VASN: variants seen among roughly 807,000 people sequenced by gnomAD.
VASN encodes the protein vasorin, also known as protein slit-like 2.
Under a neutral mutation model 4.8 loss-of-function variants are expected in VASN, and 5 were observed. The ratio of observed to expected loss-of-function variants is 1.03; its 90% CI spans 0.54 to 2.17. VASN has a LOEUF of 2.17. Ranked by LOEUF, VASN falls within the 30% of genes most tolerant of loss-of-function variation. The pLI is 0.01. For synonymous variants in VASN, 499 were observed against 460.8 expected (o/e 1.08, Z -1.06); for missense variants, 927 against 948.8 (o/e 0.98, Z 0.30).
At chr16:4,376,085 C>T (rs1237713863) in intron 1 of VASN, among the ~76,000 whole-genome samples, 2 of 152,160 alleles carry the variant, frequency 1.3e-5, no homozygotes, top group Non-Finnish European at 2.9e-5. Context: ...GCCAGGGGTC[C>T]CCGCGCCTAT....
chr16:4,381,784 G>C lies in VASN; in HGVS notation c.907G>C (p.Val303Leu). 1 of 1,600,832 alleles carries C rather than the reference G, an allele frequency of 6.2e-7. No individual in the cohort carries two copies. The highest frequency in any genetic ancestry group is 8.5e-7 in the Non-Finnish European group (1 of 1,179,366). ...LAAARNPFNC[V>L]CPLSWFGPWV... is the part of the protein sequence containing the mutation. ...AGCTGCCCGCAACCCCTTCAACTGC[G>C]TGTGCCCCCTGAGCTGGTTTGGCCC... The change falls in exon 2 of 2, where the codon GTG (valine) becomes CTG (leucine). Residue 303 changes from valine (V) to leucine (L), a missense_variant. Val to Leu is a conservative substitution (Grantham distance 32). Transcript: ENST00000304735.
At chr16:4,378,863 T>G (rs2054847532) in intron 1 of VASN, among the ~76,000 whole-genome samples, 1 of 152,000 alleles carries the variant, frequency 6.6e-6, no homozygotes, top group South Asian at 2.1e-4. Flanking sequence ...TGAAGGGTGC[T>G]TGTTGTCGCT....
At chr16:4,378,190 T>G (rs1567268790) in intron 1 of VASN, among the ~76,000 whole-genome samples, 1 of 152,160 alleles carries the variant, frequency 6.6e-6, no homozygotes, top group Non-Finnish European at 1.5e-5. Flanking sequence ...GTGTCCCAGA[T>G]ACTCAGATGA....
intron 1 of VASN, among the ~76,000 whole-genome samples, chr16:4,375,679 G>A (rs910236552): frequency 1.8e-4 from 28 of 152,158 alleles, no homozygotes; most frequent in East Asian, 3.9e-4. Flanking sequence ...TAGTAGAGAC[G>A]GGGTTTCACC....
intron 1 of VASN, among the ~76,000 whole-genome samples, chr16:4,379,270 G>A (rs533788794): frequency 6.6e-6 from 1 of 152,216 alleles, no homozygotes; most frequent in South Asian, 2.1e-4. Flanking sequence ...GCTTCCTGGG[G>A]ATGGGCTGGC....
intron 1 of VASN, among the ~76,000 whole-genome samples, chr16:4,377,143 G>A (rs887717993): frequency 1.3e-5 from 2 of 152,222 alleles, no homozygotes; most frequent in Non-Finnish European, 2.9e-5. Context: ...GAGCAAGGCC[G>A]GCAGCAGCAC....
At chr16:4,377,429 C>G (rs73507281) in intron 1 of VASN, among the ~76,000 whole-genome samples, 5,209 of 152,232 alleles carry the variant, frequency 0.034, 300 homozygotes, top group African/African-American at 0.12. Context: ...CAAGCACACG[C>G]CCAGACCCCA....
chr16:4,374,100 T>C (rs2054628831), intron 1 of VASN, among the ~76,000 whole-genome samples: 1 of 149,756 alleles, frequency 6.7e-6, no homozygotes, highest in Non-Finnish European at 1.5e-5. Context: ...TGTGTGTGTG[T>C]GTGTGTCTGC....
In VASN at chr16:4,383,097, C is replaced by A. The variant is rs1205029418; in HGVS notation, c.*198C>A. ...GAGATGCTGTGGCCCAGCTGACGAGCCCTAACGTCCCCAGAACCGAGTGCC... is the reference window on the plus strand; with the variant it reads ...GAGATGCTGTGGCCCAGCTGACGAGACCTAACGTCCCCAGAACCGAGTGCC... On this transcript the variant is annotated 3_prime_UTR_variant, in exon 2 of 2. Coordinates refer to ENST00000304735, the MANE Select transcript of VASN (RefSeq NM_138440.3). 5.0e-6 allele frequency: 3 copies of A among 605,322 alleles called. No individual in the cohort carries two copies. The East Asian group carries it at 9.4e-5, about 19-fold the overall frequency. The allele number at this position is 605,322 out of a possible 1,614,324, so 37.5% of individuals were successfully genotyped here. A position where few individuals can be genotyped will look rare whatever the true frequency, so the allele number is the denominator to read the frequency against.
In VASN at chr16:4,381,749, G is replaced by A. The variant is rs751445099; in HGVS notation, c.872G>A (p.Arg291Gln). 42 of 1,603,694 alleles carry A rather than the reference G, an allele frequency of 2.6e-5. No individual in the cohort carries two copies. Among genetic ancestry groups the A allele is most frequent in the Non-Finnish European group, 3.3e-5 (39 of 1,179,370 alleles). The part of the protein sequence containing the change: ...GDLSGLFPRL[R>Q]LLAAARNPFN... ...CTCTCGGGCCTCTTCCCCCGCCTGC[G>A]GCTGCTGGCAGCTGCCCGCAACCCC... The change falls in exon 2 of 2, where the codon CGG becomes CAG. Residue 291 changes from arginine to glutamine, a missense_variant. Coordinates refer to ENST00000304735, the MANE Select transcript of VASN (RefSeq NM_138440.3).
chr16:4,380,865 C>A lies in VASN; in HGVS notation c.-9-4C>A. 6.7e-7 allele frequency: 1 copy of A among 1,500,176 alleles called. No individual in the cohort carries two copies. The highest frequency in any genetic ancestry group is 2.2e-5 in the Admixed American group (1 of 44,496). 92.9% of individuals were successfully genotyped at this position (1,500,176 alleles called of 1,614,324 possible). On this transcript the variant is annotated splice_polypyrimidine_tract_variant and splice_region_variant and intron_variant, in intron 1 of 1. Coordinates refer to ENST00000304735, the MANE Select transcript of VASN (RefSeq NM_138440.3). ...TTCTGTCTCTGCCTCCTCTCTGCTC[C>A]CAGGGACAGAAGATGTGCTCCAGGG...
rs776748488 is a variant in VASN at position 4,381,534 on chromosome 16, C to T, written c.657C>T (p.His219=). ...EGLFSRLRNL[H]DLDVSDNQLE... ...TCTTCAGCCGCTTGCGCAACCTCCACGACCTGGATGTGTCCGACAACCAGC... is the reference window on the plus strand; with the variant it reads ...TCTTCAGCCGCTTGCGCAACCTCCATGACCTGGATGTGTCCGACAACCAGC... The change falls in exon 2 of 2, where the codon CAC becomes CAT. Residue 219 remains histidine, a synonymous_variant. Coordinates refer to ENST00000304735, the MANE Select transcript of VASN (RefSeq NM_138440.3). 13 of 1,603,674 alleles carry T rather than the reference C, an allele frequency of 8.1e-6. No homozygotes were observed. In the East Asian group the frequency reaches 1.1e-4, roughly 14 times the overall value.
intron 1 of VASN, among the ~76,000 whole-genome samples, 167 bp from the exon 2 acceptor site, chr16:4,380,702 G>A (rs751760661): frequency 6.6e-6 from 1 of 152,234 alleles, no homozygotes; most frequent in African/African-American, 2.4e-5. Context: ...GGAGTGACGG[G>A]GCTGGGACAG....
chr16:4,375,249 CG>C (rs1230364705), intron 1 of VASN, among the ~76,000 whole-genome samples: 1 of 152,112 alleles, frequency 6.6e-6, no homozygotes, highest in Non-Finnish European at 1.5e-5. Context: ...CACCTGGGGC[CG>C]GGCCAGCCTC....
rs763244686 is a variant in VASN at position 4,381,559 on chromosome 16, C to A, written c.682C>A (p.Leu228Met). 2 of 1,605,282 alleles carry A rather than the reference C, an allele frequency of 1.2e-6. No homozygotes were observed. Among genetic ancestry groups the A allele is most frequent in the South Asian group, 1.1e-5 (1 of 89,798 alleles). Residue 228 changes from leucine to methionine, a missense_variant, in exon 2 of 2, where the codon CTG (leucine) becomes ATG (methionine). By Grantham distance (15) the Leu-to-Met change is conservative (BLOSUM62 2). Transcript: ENST00000304735. The part of the protein sequence containing the change: ...LHDLDVSDNQ[L>M]ERVPPVIRGL... ...CGACCTGGATGTGTCCGACAACCAG[C>A]TGGAGCGAGTGCCACCTGTGATCCG...
At position 4,382,722 on chromosome 16, in the gene VASN, G is replaced by T; in HGVS notation, c.1845G>T (p.Val615=). The T allele has an allele frequency of 1.3e-6, 2 of 1,552,012 alleles. No individual in the cohort carries two copies. Among genetic ancestry groups the T allele is most frequent in the South Asian group, 2.4e-5 (2 of 84,554 alleles). The part of the protein sequence containing the change: ...MAAAAQDKGQ[V]GPGAGPLELE... ...CAGCGGCTCAGGACAAAGGGCAGGT[G>T]GGGCCAGGGGCTGGGCCCCTGGAAC... The change falls in exon 2 of 2, where the codon GTG becomes GTT. Residue 615 remains valine (V), a synonymous_variant. Transcript: ENST00000304735.
chr16:4,382,221 GA>G lies in VASN; in HGVS notation c.1345del (p.Thr449HisfsTer16). 8 of 1,605,120 alleles carry G rather than the reference GA, an allele frequency of 5.0e-6. No individual in the cohort carries two copies. The highest frequency in any genetic ancestry group is 5.9e-6 in the Non-Finnish European group (7 of 1,177,602). On this transcript the variant is annotated frameshift_variant, in exon 2 of 2. Coordinates refer to ENST00000304735, the MANE Select transcript of VASN (RefSeq NM_138440.3). LOFTEE classifies it high-confidence loss of function. ...LYCESQMGQG[T>X]RPSPTPVTPR... is the part of the protein sequence containing the mutation. ...ACTGTGAGAGCCAGATGGGGCAGGG[GA>G]CACGGCCCAGCCCTACACCAGTCAC...
In VASN at chr16:4,381,094, G is replaced by GA; in HGVS notation, c.217_218insA (p.Ala73AspfsTer42). The GA allele has an allele frequency of 6.2e-7, 1 of 1,608,020 alleles. No individual in the cohort carries two copies. Among genetic ancestry groups the GA allele is most frequent in the Non-Finnish European group, 8.5e-7 (1 of 1,178,106 alleles). ...CACCATGCTCGACGCAGGCAGCTTT[G>GA]CCGGCCTGCCGGGCCTGCAGCTCCT... On this transcript the variant is annotated frameshift_variant, in exon 2 of 2. Transcript: ENST00000304735. LOFTEE classifies it low-confidence loss of function (END_TRUNC).
chr16:4,380,924 C>A lies in VASN; in HGVS notation c.47C>A (p.Ala16Asp). ...CTGCTGCCGCTGCTCCTGCTACTGG[C>A]CCTGGGGCCTGGGGTGCAGGGCTGC... ...PLLLPLLLLL[A>D]LGPGVQGCPS... is the part of the protein sequence containing the mutation. Residue 16 changes from alanine (A) to aspartate (D), a missense_variant, in exon 2 of 2, where the codon GCC (alanine) becomes GAC (aspartate). By Grantham distance (126) the Ala-to-Asp change is moderately radical. Coordinates refer to ENST00000304735, the MANE Select transcript of VASN (RefSeq NM_138440.3). 1 of 1,581,338 alleles carries A rather than the reference C, an allele frequency of 6.3e-7. No individual in the cohort carries two copies. The highest frequency in any genetic ancestry group is 1.1e-5 in the South Asian group (1 of 87,846).
Sources: gnomAD v4.1 joint callset for allele counts (sites outside exome capture counted in the v4.1 genomes callset) on GRCh38, gnomAD v4.1.1 for gene constraint, MANE v1.5 for transcripts, NCBI Gene and HGNC (gene_info 2026-07-23, HGNC 2026-07-21) for gene names.